Variants in TFDP2 observed in about 807,000 individuals in gnomAD.
TFDP2 encodes transcription factor Dp-2 (E2F dimerization partner 2).
A neutral mutation model predicts 59.3 loss-of-function variants in TFDP2; 17 were observed. That is an observed-to-expected ratio of 0.29 (90% CI 0.20 to 0.43). TFDP2 has a LOEUF of 0.43. TFDP2 is among the 20% of genes least tolerant of loss of function. The pLI, the probability that TFDP2 is intolerant of heterozygous loss-of-function variation, is 1.00. For synonymous variants in TFDP2, 180 were observed against 194.7 expected (o/e 0.92, Z 0.63); for missense variants, 391 against 528.8 (o/e 0.74, Z 2.56).
At chr3:141,999,581 A>G (rs1210566075) in intron 4 of TFDP2, among the ~76,000 whole-genome samples, 2 of 152,180 alleles carry the variant, frequency 1.3e-5, no homozygotes, top group African/African-American at 4.8e-5. Flanking sequence ...AGGTACTGCT[A>G]AACTAGTTTC....
At chr3:142,080,439 G>C (rs1330293023) in intron 3 of TFDP2, among the ~76,000 whole-genome samples, 2 of 152,096 alleles carry the variant, frequency 1.3e-5, no homozygotes, top group Admixed American at 1.3e-4. Flanking sequence ...AAGAAGGAAT[G>C]AAGAGAACAT....
At chr3:142,062,501 A>G (rs73872557) in intron 3 of TFDP2, among the ~76,000 whole-genome samples, 6,611 of 151,662 alleles carry the variant, frequency 0.044, 499 homozygotes, top group African/African-American at 0.15. Context: ...ACTAATGCAC[A>G]TTAGGTATTG....
At position 141,968,855 on chromosome 3, in the gene TFDP2, T is replaced by A. The variant is rs1384140388; in HGVS notation, c.732+1218A>T. On this transcript the variant is annotated intron_variant, in intron 9 of 12. Coordinates refer to ENST00000489671, the MANE Select transcript of TFDP2 (RefSeq NM_001178139.2). ...TATATCTCATATATATAGATATATA[T>A]AACATATATATCTCATATATATAGA... Among the ~76,000 whole-genome samples, 21 of 74,128 alleles carry A rather than the reference T, an allele frequency of 2.8e-4. 1 individual carries two copies. The South Asian group carries it at 3.7e-3, about 13-fold the overall frequency. The allele number at this position is 74,128 out of a possible 152,430, so 48.6% of individuals were successfully genotyped here. A position where few individuals can be genotyped will look rare whatever the true frequency, so the allele number is the denominator to read the frequency against.
intron 3 of TFDP2, among the ~76,000 whole-genome samples, chr3:142,070,062 C>CCAT (rs2060194386): frequency 6.6e-6 from 1 of 151,348 alleles, no homozygotes; most frequent in African/African-American, 2.4e-5. Context: ...TGTGCCACCA[C>CCAT]GCCCAGCTAA....
intron 9 of TFDP2, among the ~76,000 whole-genome samples, chr3:141,968,280 T>C (rs1274345157): frequency 7.6e-6 from 1 of 132,304 alleles, no homozygotes; most frequent in Non-Finnish European, 1.6e-5. Flanking sequence ...ATATATAATA[T>C]ATAACAATAT....
chr3:142,034,710 C>A (rs1946603068), intron 3 of TFDP2, among the ~76,000 whole-genome samples: 1 of 124,326 alleles, frequency 8.0e-6, no homozygotes, highest in Non-Finnish European at 1.6e-5. Context: ...CAACAATCTT[C>A]TCTTGGCTTT....
At chr3:141,973,846 TCA>T (rs1267017209) in intron 8 of TFDP2, among the ~76,000 whole-genome samples, 200 bp downstream of exon 8, 16 of 152,160 alleles carry the variant, frequency 1.1e-4, no homozygotes, top group African/African-American at 3.6e-4. Context: ...TTTATATCCC[TCA>T]GTTTCATCAT....
At chr3:142,073,012 C>A (rs182384638) in intron 3 of TFDP2, among the ~76,000 whole-genome samples, 1 of 152,302 alleles carries the variant, frequency 6.6e-6, no homozygotes, top group South Asian at 2.1e-4. Context: ...TGTGGAGAAA[C>A]CTGACAAAAG....
chr3:141,959,567 C>A, intron 11 of TFDP2, 107 bp downstream of exon 11: 1 of 1,231,724 alleles, frequency 8.1e-7, no homozygotes, highest in Admixed American at 2.2e-5. Context: ...TTTGTCGACA[C>A]AAGCACAGAT....
intron 6 of TFDP2, among the ~76,000 whole-genome samples, chr3:141,983,326 G>C (rs182301205): frequency 6.6e-6 from 1 of 152,034 alleles, no homozygotes; most frequent in Admixed American, 6.6e-5. Context: ...AACAAAAAAC[G>C]AAACAACTCA....
At chr3:142,074,745 G>C (rs1485222667) in intron 3 of TFDP2, among the ~76,000 whole-genome samples, 5 of 151,832 alleles carry the variant, frequency 3.3e-5, no homozygotes, top group Non-Finnish European at 7.4e-5. Context: ...CCGGCTACTC[G>C]GGAGGCTGAG....
chr3:142,073,268 T>C (rs527442614), intron 3 of TFDP2, among the ~76,000 whole-genome samples: 14 of 152,230 alleles, frequency 9.2e-5, no homozygotes, highest in Middle Eastern at 6.8e-3. Context: ...AGGCAGGGTC[T>C]CACCATATTG....
At chr3:141,975,064 TCA>T (rs1377524353) in intron 7 of TFDP2, among the ~76,000 whole-genome samples, 2 of 151,786 alleles carry the variant, frequency 1.3e-5, no homozygotes, top group African/African-American at 4.8e-5. Flanking sequence ...TAGATGCACA[TCA>T]CCACGCCCAG....
chr3:142,073,697 T>C (rs1175697796), intron 3 of TFDP2, among the ~76,000 whole-genome samples: 2 of 152,092 alleles, frequency 1.3e-5, no homozygotes, highest in African/African-American at 4.8e-5. Context: ...TAAATCAAGG[T>C]ATAATTCACT....
chr3:142,147,034 G>C (rs1247304015), intron 1 of TFDP2, among the ~76,000 whole-genome samples: 1 of 140,276 alleles, frequency 7.1e-6, no homozygotes, highest in Non-Finnish European at 1.5e-5. Flanking sequence ...AGACAAGCCT[G>C]AGCAACATAG....
At chr3:141,992,397 C>T (rs561245703) in intron 6 of TFDP2, among the ~76,000 whole-genome samples, 3 of 152,288 alleles carry the variant, frequency 2.0e-5, no homozygotes, top group African/African-American at 7.2e-5. Flanking sequence ...AGAATTCTTA[C>T]TTACAAAGGA....
intron 6 of TFDP2, among the ~76,000 whole-genome samples, chr3:141,980,211 C>T (rs1419718430): frequency 7.0e-6 from 1 of 143,218 alleles, no homozygotes; most frequent in African/African-American, 2.6e-5. Context: ...AGCCACGTCT[C>T]AGTGTTCAAC....
At chr3:142,120,783 T>C (rs1314684778) in intron 1 of TFDP2, among the ~76,000 whole-genome samples, 1 of 152,178 alleles carries the variant, frequency 6.6e-6, no homozygotes, top group Non-Finnish European at 1.5e-5. Flanking sequence ...GGGTTTCTGA[T>C]GCCTCACCCA....
At chr3:142,030,136 A>G (rs1190091023) in intron 3 of TFDP2, among the ~76,000 whole-genome samples, 1 of 152,210 alleles carries the variant, frequency 6.6e-6, no homozygotes, top group African/African-American at 2.4e-5. Context: ...TTCTTACTCA[A>G]AATTTTCCTT....
Sources: allele counts gnomAD v4.1 joint callset (sites outside exome capture counted in the v4.1 genomes callset), GRCh38; gene constraint gnomAD v4.1.1; transcripts MANE v1.5; gene names NCBI Gene and HGNC (gene_info 2026-07-23, HGNC 2026-07-21).